Variants in XKR4 observed in about 807,000 individuals in gnomAD.
XKR4 encodes the protein XK-related protein 4.
XKR4 carries 12 observed loss-of-function variants against 53.9 expected under a neutral mutation model. The observed-to-expected ratio is 0.22, with a 90% confidence interval of 0.14 to 0.36. The LOEUF is 0.36. XKR4 is among the 10% of genes least tolerant of loss of function. The probability of loss-of-function intolerance (pLI) is 1.00; values close to 1 mark genes in which losing one functional copy is unlikely to be tolerated. For missense variants in XKR4, 799 were observed against 859.5 expected, an observed-to-expected ratio of 0.93 and a Z score of 0.88; for synonymous variants, 354 against 362.4, an observed-to-expected ratio of 0.98 and a Z score of 0.26.
Position 55,157,761 on chromosome 8 carries a change from G to A in XKR4, c.806+54467G>A, listed in dbSNP as rs187405817. ...CAATGTTTAGCTCCCACTTACAAGT[G>A]AGAACATGCAGTATTTGGTTTTCTG... On this transcript the variant is annotated intron_variant, in intron 1 of 2. Coordinates refer to ENST00000327381, the MANE Select transcript of XKR4 (RefSeq NM_052898.2). Among the ~76,000 whole-genome samples the A allele has an allele frequency of 5.9e-5, 9 of 152,284 alleles. No homozygotes were observed. In the East Asian group the frequency reaches 1.7e-3, roughly 29 times the overall value.
At chr8:55,384,528 T>C (rs540366906) in intron 2 of XKR4, among the ~76,000 whole-genome samples, 2 of 152,194 alleles carry the variant, frequency 1.3e-5, no homozygotes, top group South Asian at 4.2e-4. Flanking sequence ...TAGCCAAACG[T>C]TAGATTGAGA....
chr8:55,145,377 A>G (rs982102928), intron 1 of XKR4, among the ~76,000 whole-genome samples: 3 of 152,056 alleles, frequency 2.0e-5, no homozygotes, highest in Non-Finnish European at 4.4e-5. Context: ...CTTTTTCTGA[A>G]CAGAGTGTAT....
intron 1 of XKR4, among the ~76,000 whole-genome samples, chr8:55,305,546 G>A (rs754856131): frequency 1.3e-5 from 2 of 152,146 alleles, no homozygotes; most frequent in African/African-American, 2.4e-5. Context: ...CGTGCCTTGA[G>A]TATGTCACTT....
intron 2 of XKR4, among the ~76,000 whole-genome samples, chr8:55,492,485 C>T (rs1340691586): frequency 6.6e-6 from 1 of 152,210 alleles, no homozygotes; most frequent in African/African-American, 2.4e-5. Context: ...GGAAAACAGT[C>T]ACCATCCCCA....
intron 1 of XKR4, among the ~76,000 whole-genome samples, chr8:55,205,923 C>T (rs142482899): frequency 0.011 from 1,732 of 152,144 alleles, 22 homozygotes; most frequent in Middle Eastern, 0.051. Context: ...CAGATGTGTC[C>T]GGAGTTTCTT....
intron 1 of XKR4, among the ~76,000 whole-genome samples, chr8:55,171,174 C>T (rs1425111003): frequency 6.6e-6 from 1 of 152,186 alleles, no homozygotes; most frequent in African/African-American, 2.4e-5. Flanking sequence ...AGATGATTTT[C>T]AGTACCTACA....
chr8:55,219,649 C>T (rs1169175878), intron 1 of XKR4, among the ~76,000 whole-genome samples: 1 of 152,180 alleles, frequency 6.6e-6, no homozygotes, highest in African/African-American at 2.4e-5. Context: ...AACCTCTCCC[C>T]ATCCCTTCTT....
At chr8:55,311,108 T>G (rs6473980) in intron 1 of XKR4, among the ~76,000 whole-genome samples, 96,200 of 152,132 alleles carry the variant, frequency 0.63, 32,374 homozygotes, top group African/African-American at 0.87. Flanking sequence ...CTGGCAAAGA[T>G]TTGCAACAGT....
chr8:55,207,142 C>T (rs980215880), intron 1 of XKR4, among the ~76,000 whole-genome samples: 1 of 152,182 alleles, frequency 6.6e-6, no homozygotes, highest in Non-Finnish European at 1.5e-5. Flanking sequence ...TCTGCTGTCC[C>T]GTTCTCGTCT....
intron 1 of XKR4, among the ~76,000 whole-genome samples, chr8:55,146,951 G>A (rs986919438): frequency 3.3e-5 from 5 of 152,190 alleles, no homozygotes; most frequent in Non-Finnish European, 4.4e-5. Flanking sequence ...CGATGTTGCA[G>A]TTTAGAGGTA....
At chr8:55,192,011 A>T (rs1275581500) in intron 1 of XKR4, among the ~76,000 whole-genome samples, 1 of 151,542 alleles carries the variant, frequency 6.6e-6, no homozygotes, top group Non-Finnish European at 1.5e-5. Flanking sequence ...TTCTGCCTTA[A>T]AAGTGTTACT....
intron 1 of XKR4, among the ~76,000 whole-genome samples, chr8:55,108,185 G>T (rs1030850018): frequency 6.6e-6 from 1 of 152,152 alleles, no homozygotes; most frequent in African/African-American, 2.4e-5. Context: ...TGGATGCAAT[G>T]TGTAAAGGCA....
At chr8:55,377,450 C>T (rs554817673) in intron 2 of XKR4, among the ~76,000 whole-genome samples, 1 of 152,288 alleles carries the variant, frequency 6.6e-6, no homozygotes, top group Non-Finnish European at 1.5e-5. Context: ...TTCAAAGGAA[C>T]AGACCATTTA....
intron 1 of XKR4, among the ~76,000 whole-genome samples, chr8:55,246,272 T>C (rs1450705090): frequency 6.6e-6 from 1 of 152,200 alleles, no homozygotes; most frequent in African/African-American, 2.4e-5. Context: ...ATAGGAATCT[T>C]CTGCTCCTCA....
intron 1 of XKR4, among the ~76,000 whole-genome samples, chr8:55,225,833 G>A (rs747497866): frequency 3.3e-5 from 5 of 152,212 alleles, no homozygotes; most frequent in Non-Finnish European, 7.3e-5. Flanking sequence ...CACATAAAAT[G>A]TACTATTATA....
At chr8:55,353,484 T>C (rs531568836) in intron 1 of XKR4, among the ~76,000 whole-genome samples, 1 of 152,204 alleles carries the variant, frequency 6.6e-6, no homozygotes, top group Non-Finnish European at 1.5e-5. Flanking sequence ...AGATGCTTCC[T>C]TACAGACTTC....
rs1268654671 is a variant in XKR4, at chr8:55,103,863, A to G, written c.806+569A>G. Among the ~76,000 whole-genome samples the G allele has an allele frequency of 5.0e-3, 599 of 120,358 alleles. 12 individuals are homozygous for G. The highest frequency in any genetic ancestry group is 0.017 in the East Asian group (77 of 4,570). The allele number at this position is 120,358 out of a possible 152,430, so 79.0% of individuals were successfully genotyped here. On this transcript the variant is annotated intron_variant, in intron 1 of 2. Transcript: ENST00000327381. ...GGCAAATGACTTTGTATATATATATATATATATATATATATATATATATAT... is the reference window on the plus strand; with the variant it reads ...GGCAAATGACTTTGTATATATATATGTATATATATATATATATATATATAT...
intron 2 of XKR4, among the ~76,000 whole-genome samples, chr8:55,470,190 A>T (rs1222880567): frequency 6.6e-6 from 1 of 152,192 alleles, no homozygotes; most frequent in African/African-American, 2.4e-5. Context: ...GCACAGAAGC[A>T]TGCGTCAGAT....
intron 1 of XKR4, among the ~76,000 whole-genome samples, chr8:55,335,570 A>G (rs1282121237): frequency 6.6e-6 from 1 of 152,232 alleles, no homozygotes; most frequent in Non-Finnish European, 1.5e-5. Context: ...AATCCCACTT[A>G]TAGTTATTTA....
Sources: allele counts gnomAD v4.1 joint callset (sites outside exome capture counted in the v4.1 genomes callset), GRCh38; gene constraint gnomAD v4.1.1; transcripts MANE v1.5; gene names NCBI Gene and HGNC (gene_info 2026-07-23, HGNC 2026-07-21).